The following PTAFR variants were observed in gnomAD, a reference collection of about 807,000 sequenced individuals.
PTAFR encodes the protein platelet activating factor receptor, also known as platelet-activating factor receptor.
PTAFR carries 8 observed loss-of-function variants against 14.7 expected under a neutral mutation model. The ratio of observed to expected loss-of-function variants is 0.54; its 90% CI spans 0.32 to 0.98. The LOEUF is 0.98. PTAFR is among the 50% of genes least tolerant of loss of function. The pLI is 0.04. For missense variants in PTAFR, 337 were observed against 451.2 expected (o/e 0.75, Z 2.29); for synonymous variants, 156 against 176.5 (o/e 0.88, Z 0.92).
In PTAFR at chr1:28,157,021, C is replaced by T. The variant is rs972825355; in HGVS notation, c.-38-5962G>A. Among the ~76,000 whole-genome samples, 5 of 152,184 alleles carry T rather than the reference C, an allele frequency of 3.3e-5. No individual in the cohort carries two copies. In the East Asian group the frequency reaches 7.7e-4, roughly 23 times the overall value. On this transcript the variant is annotated intron_variant, in intron 1 of 1. Transcript: ENST00000373857. ...TGGGTTCCTGCACCCTGCCTGCCCA[C>T]GCCTATTGAGAAAGCCTTTCCGCCA...
At chr1:28,165,331 G>A (rs1165300966) in intron 1 of PTAFR, among the ~76,000 whole-genome samples, 1 of 148,040 alleles carries the variant, frequency 6.8e-6, no homozygotes, top group African/African-American at 2.5e-5. Flanking sequence ...CTTGAACCGG[G>A]AGGCGGAGGC....
rs566303211 is a variant in PTAFR at position 28,175,729 on chromosome 1, A to C, written c.-39+863T>G. Among the ~76,000 whole-genome samples the C allele has an allele frequency of 3.1e-3, 463 of 151,490 alleles. 1 individual carries two copies. Among genetic ancestry groups the C allele is most frequent in the Non-Finnish European group, 4.6e-3 (314 of 67,870 alleles). ...GGTTATTTTCAGCACCCCCTTCCCCACCCCGCAAACCTAGCATTTAGTGAG... is the reference window on the plus strand; with the variant it reads ...GGTTATTTTCAGCACCCCCTTCCCCCCCCCGCAAACCTAGCATTTAGTGAG... On this transcript the variant is annotated intron_variant, in intron 1 of 1. Transcript: ENST00000373857.
chr1:28,157,011 T>A (rs77257067), intron 1 of PTAFR, among the ~76,000 whole-genome samples: 1 of 152,134 alleles, frequency 6.6e-6, no homozygotes, highest in African/African-American at 2.4e-5. Context: ...TCCTGCACCC[T>A]GCCTGCCCAC....
intron 1 of PTAFR, among the ~76,000 whole-genome samples, chr1:28,155,178 T>C (rs556655701): frequency 6.6e-6 from 1 of 152,272 alleles, no homozygotes; most frequent in Non-Finnish European, 1.5e-5. Context: ...TTTTGAATGC[T>C]CTTCCCTACC....
chr1:28,147,213 C>T lies in PTAFR; in HGVS notation c.*2780G>A, dbSNP rs1465818962. On this transcript the variant is annotated 3_prime_UTR_variant, in exon 2 of 2. Transcript: ENST00000373857. ...ATTAAGTAAATGGACAGTTGGTACACAGATATTGCAAAAATTTCGAGGCGG... is the reference window on the plus strand; with the variant it reads ...ATTAAGTAAATGGACAGTTGGTACATAGATATTGCAAAAATTTCGAGGCGG... The T allele has an allele frequency of 6.6e-6, 1 of 152,122 alleles. No individual in the cohort carries two copies. The highest frequency in any genetic ancestry group is 1.5e-5 in the Non-Finnish European group (1 of 68,028). 9.4% of individuals were successfully genotyped at this position (152,122 alleles called of 1,614,324 possible). A position where few individuals can be genotyped will look rare whatever the true frequency, so the allele number is the denominator to read the frequency against.
intron 1 of PTAFR, among the ~76,000 whole-genome samples, chr1:28,154,743 C>T: frequency 7.5e-6 from 1 of 132,502 alleles, no homozygotes. Context: ...ACTTGGGAGG[C>T]AGAGGTTGCA....
At chr1:28,192,364 A>T (rs1270764396) in intron 1 of PTAFR, among the ~76,000 whole-genome samples, 1 of 151,998 alleles carries the variant, frequency 6.6e-6, no homozygotes, top group Non-Finnish European at 1.5e-5. Flanking sequence ...GTTCGAGACC[A>T]GCCTGACCAA....
intron 1 of PTAFR, among the ~76,000 whole-genome samples, chr1:28,176,076 G>A (rs939918321): frequency 3.9e-5 from 6 of 152,038 alleles, no homozygotes; most frequent in African/African-American, 1.4e-4. Context: ...GGTTCTCCAG[G>A]AATGTTTGGA....
intron 1 of PTAFR, among the ~76,000 whole-genome samples, chr1:28,172,026 G>T (rs1001572553): frequency 3.3e-5 from 5 of 151,810 alleles, no homozygotes; most frequent in Admixed American, 2.0e-4. Flanking sequence ...TTGCGGGGGT[G>T]GGGGGTTGAG....
At chr1:28,181,617 C>T (rs924460217), upstream of PTAFR, among the ~76,000 whole-genome samples, 4 of 152,044 alleles carry the variant, frequency 2.6e-5, no homozygotes, top group African/African-American at 4.8e-5. Flanking sequence ...TGGTGCATGC[C>T]TGTAATCTCA....
chr1:28,192,286 G>A (rs890938046), intron 1 of PTAFR, among the ~76,000 whole-genome samples: 8 of 151,994 alleles, frequency 5.3e-5, no homozygotes, highest in South Asian at 2.1e-4. Flanking sequence ...GTGGCCGGGC[G>A]CAGTGGCTTA....
Position 28,160,370 on chromosome 1 carries a change from G to A in PTAFR, c.-38-9311C>T, listed in dbSNP as rs968704248. On this transcript the variant is annotated intron_variant, in intron 1 of 1. Coordinates refer to ENST00000373857, the MANE Select transcript of PTAFR (RefSeq NM_000952.5). Reference sequence around the variant, plus strand: ...AGCTATTAGATGTGCACTCCAACCTGGGCAACACAGCAAGGCTTCATCTCA... The same window carrying A: ...AGCTATTAGATGTGCACTCCAACCTAGGCAACACAGCAAGGCTTCATCTCA... 1.3e-4 allele frequency among the ~76,000 whole-genome samples: 19 copies of A among 151,434 alleles called. No individual in the cohort carries two copies. In the South Asian group the frequency reaches 1.7e-3, roughly 13 times the overall value.
At chr1:28,163,439 C>T (rs189361571) in intron 1 of PTAFR, among the ~76,000 whole-genome samples, 1 of 152,276 alleles carries the variant, frequency 6.6e-6, no homozygotes, top group African/African-American at 2.4e-5. Flanking sequence ...GCTCCGAAAT[C>T]CCCGGCACAA....
intron 1 of PTAFR, among the ~76,000 whole-genome samples, chr1:28,193,383 A>G (rs1646672467): frequency 6.6e-6 from 1 of 151,882 alleles, no homozygotes; most frequent in African/African-American, 2.4e-5. Flanking sequence ...GTGTATGTGT[A>G]TAGGGAGGGT....
At chr1:28,174,070 GAC>G (rs1646483234) in intron 1 of PTAFR, among the ~76,000 whole-genome samples, 1 of 152,046 alleles carries the variant, frequency 6.6e-6, no homozygotes, top group African/African-American at 2.4e-5. Context: ...CATAACCACA[GAC>G]ACACATGCAC....
At chr1:28,190,877 C>T (rs1010480895) in intron 1 of PTAFR, among the ~76,000 whole-genome samples, 1 of 152,192 alleles carries the variant, frequency 6.6e-6, no homozygotes. Context: ...TCAATCTCAC[C>T]TCTGCCACTT....
At chr1:28,190,076 G>C (rs543915790) in intron 1 of PTAFR, among the ~76,000 whole-genome samples, 1 of 152,026 alleles carries the variant, frequency 6.6e-6, no homozygotes, top group African/African-American at 2.4e-5. Flanking sequence ...AGGTTCAAGC[G>C]ATTCTCCTGC....
At position 28,189,407 on chromosome 1, in the gene PTAFR, T is replaced by C. The variant is rs1267383905; in HGVS notation, c.-39+4315A>G. On this transcript the variant is annotated intron_variant, in intron 1 of 1. Transcript: ENST00000305392. ...GGCGGGCAGATCACGAGGTCAGGAG[T>C]TCGAGACCAGCCTGTTCAATATGGT... 5.3e-5 allele frequency among the ~76,000 whole-genome samples: 8 copies of C among 151,624 alleles called. No individual in the cohort carries two copies. The Middle Eastern group carries it at 0.01, about 195-fold the overall frequency.
chr1:28,186,013 T>C (rs1646603257), intron 1 of PTAFR, among the ~76,000 whole-genome samples: 1 of 152,174 alleles, frequency 6.6e-6, no homozygotes, highest in Non-Finnish European at 1.5e-5. Flanking sequence ...AGTCTTATCC[T>C]GTCACCCATG....
Sources: allele counts gnomAD v4.1 joint callset (sites outside exome capture counted in the v4.1 genomes callset), GRCh38; gene constraint gnomAD v4.1.1; transcripts MANE v1.5; gene names NCBI Gene and HGNC (gene_info 2026-07-23, HGNC 2026-07-21).